Variants in DDX39B observed in about 807,000 individuals in gnomAD.
DDX39B encodes the protein spliceosome RNA helicase DDX39B.
Under a neutral mutation model 46.4 loss-of-function variants are expected in DDX39B, and 6 were observed. The ratio of observed to expected loss-of-function variants is 0.13; its 90% CI spans 0.07 to 0.26. DDX39B has a LOEUF of 0.26. Ranked by LOEUF, DDX39B falls within the 10% of genes least tolerant of loss-of-function variation. DDX39B has a pLI of 1.00. For synonymous variants in DDX39B, 174 were observed against 199.4 expected, an observed-to-expected ratio of 0.87 and a Z score of 1.07; for missense variants, 185 against 553.4, an observed-to-expected ratio of 0.33 and a Z score of 6.68.
At position 31,536,556 on chromosome 6, in the gene DDX39B, A is replaced by G. The variant is rs1767801774; in HGVS notation, c.560T>C (p.Leu187Pro). The G allele has an allele frequency of 6.2e-7, 1 of 1,613,112 alleles. No homozygotes were observed. The stretch of plus-strand genomic sequence containing the variant: ...CAAAATAAAGTGTTTAATGTGTTTG[A>G]GGTTGAGGCTCTTATTTCGAGCCAG... The part of the protein sequence containing the change: ...LALARNKSLN[L>P]KHIKHFILDE... The change falls in exon 5 of 11, where the codon CTC becomes CCC. Residue 187 changes from leucine to proline, a missense_variant. By Grantham distance (98) the Leu-to-Pro change is moderately conservative. This residue lies in a region of DDX39B where 110 missense variants were observed against 282.2 expected (regional missense o/e 0.39). Transcript: ENST00000396172.
Position 31,535,427 on chromosome 6 carries a change from C to A in DDX39B, c.675G>T (p.Met225Ile). The change falls in exon 6 of 11, where the codon ATG becomes ATT. Residue 225 changes from methionine to isoleucine, a missense_variant. Around this residue, in one of 5 missense-constraint regions of DDX39B, gnomAD observed 110 missense variants for 282.2 expected, o/e 0.39. Coordinates refer to ENST00000396172, the MANE Select transcript of DDX39B (RefSeq NM_004640.7). This position sits in a 1 kb window ranked among gnomAD's most constrained non-coding sequence, Gnocchi z 4.6. ...CTTTGCTCAAGGTAGCACTGAACAT[C>A]ATGACCTGCTTCTCGTGGGGGGTCA... ...FRMTPHEKQV[M>I]MFSATLSKEI... 1 of 1,613,458 alleles carries A rather than the reference C, an allele frequency of 6.2e-7. No homozygotes were observed. The highest frequency in any genetic ancestry group is 8.5e-7 in the Non-Finnish European group (1 of 1,180,016).
chr6:31,530,407 G>T lies in DDX39B; in HGVS notation c.*27C>A, dbSNP rs372496406. ...TGGTGTCCTCTCCTGAAGGACAGAC[G>T]GTCACATTCCAAAATGGGCGAGTCT... On this transcript the variant is annotated 3_prime_UTR_variant, in exon 11 of 11. Transcript: ENST00000396172. This position sits in a 1 kb window ranked among gnomAD's most constrained non-coding sequence, Gnocchi z 4.5. The T allele has an allele frequency of 6.2e-7, 1 of 1,612,478 alleles. No individual in the cohort carries two copies. Among genetic ancestry groups the T allele is most frequent in the Non-Finnish European group, 8.5e-7 (1 of 1,179,828 alleles).
At chr6:31,539,342 T>C (rs568633747) in intron 2 of DDX39B, 68 bp from the exon 3 acceptor site, 5 of 1,571,198 alleles carry the variant, frequency 3.2e-6, no homozygotes, top group Admixed American at 3.5e-5. Context: ...TTTTTCACCA[T>C]GCCAAGCCCA....
chr6:31,535,331 G>A lies in DDX39B; in HGVS notation c.735+36C>T, dbSNP rs371190882. The stretch of plus-strand genomic sequence containing the variant: ...CGAGGAAGGGGAGGAGGCAGCGGGC[G>A]GGGAGTGGAGGGAGAGAAGGTAGAA... On this transcript the variant is annotated intron_variant, in intron 6 of 10. Coordinates refer to ENST00000396172, the MANE Select transcript of DDX39B (RefSeq NM_004640.7). The surrounding 1 kb of genome is among the most constrained non-coding windows in gnomAD (Gnocchi z 4.6). 3.1e-5 allele frequency: 49 copies of A among 1,586,640 alleles called. No homozygotes were observed. Among genetic ancestry groups the A allele is most frequent in the Non-Finnish European group, 3.6e-5 (42 of 1,155,892 alleles).
intron 6 of DDX39B, chr6:31,533,812 T>G (rs1173596530): frequency 6.6e-6 from 1 of 151,986 alleles, no homozygotes; most frequent in Non-Finnish European, 1.5e-5. Context: ...GCATTCATCT[T>G]TAAAATTAAA....
At position 31,534,456 on chromosome 6, in the gene DDX39B, C is replaced by T. The variant is rs1468883636; in HGVS notation, c.735+911G>A. The T allele has an allele frequency of 1.1e-5, 5 of 471,062 alleles. No homozygotes were observed. The highest frequency in any genetic ancestry group is 7.7e-5 in the South Asian group (5 of 64,566). The allele number at this position is 471,062 out of a possible 1,614,324, so 29.2% of individuals were successfully genotyped here. On this transcript the variant is annotated intron_variant, in intron 6 of 10. Transcript: ENST00000396172. The surrounding 1 kb of genome is among the most constrained non-coding windows in gnomAD (Gnocchi z 5.1). ...AATTGGCCCCACCTAGCCCCAAACC[C>T]TAACAACCACCCGATTACATCCACT...
In DDX39B at chr6:31,530,844, T is replaced by A; in HGVS notation, c.1205A>T (p.Asp402Val). 6.2e-7 allele frequency: 1 copy of A among 1,613,932 alleles called. No individual in the cohort carries two copies. The highest frequency in any genetic ancestry group is 8.5e-7 in the Non-Finnish European group (1 of 1,180,022). ...SDENDAKILN[D>V]VQDRFEVNIS... The stretch of plus-strand genomic sequence containing the variant: ...ATTGACCTCAAAGCGATCCTGCACA[T>A]CATTGAGGATCTTGGCATCATTCTC... The change falls in exon 10 of 11, where the codon GAT (aspartate) becomes GTT (valine). Residue 402 changes from aspartate (D) to valine (V), a missense_variant. Transcript: ENST00000396172. The surrounding 1 kb of genome is among the most constrained non-coding windows in gnomAD (Gnocchi z 4.5).
rs915440875 is a variant in DDX39B at position 31,534,813 on chromosome 6, G to A, written c.735+554C>T. The A allele has an allele frequency of 6.7e-6, 2 of 298,340 alleles. No individual in the cohort carries two copies. The highest frequency in any genetic ancestry group is 4.4e-5 in the African/African-American group (2 of 45,848). The allele number at this position is 298,340 out of a possible 1,614,324, so 18.5% of individuals were successfully genotyped here. A position where few individuals can be genotyped will look rare whatever the true frequency, so the allele number is the denominator to read the frequency against. Reference sequence around the variant, plus strand: ...GGGTGCAAGGAGATGTGGGTGGGAAGGAGTAGGGTATCGGGGATTGAGGTG... The same window carrying A: ...GGGTGCAAGGAGATGTGGGTGGGAAAGAGTAGGGTATCGGGGATTGAGGTG... On this transcript the variant is annotated intron_variant, in intron 6 of 10. Coordinates refer to ENST00000396172, the MANE Select transcript of DDX39B (RefSeq NM_004640.7). The surrounding 1 kb of genome is among the most constrained non-coding windows in gnomAD (Gnocchi z 5.1).
Position 31,530,511 on chromosome 6 carries a change from C to G in DDX39B, c.1271-61G>C, listed in dbSNP as rs1767039101. 1.2e-6 allele frequency: 2 copies of G among 1,606,428 alleles called. No homozygotes were observed. The highest frequency in any genetic ancestry group is 2.2e-5 in the South Asian group (2 of 90,748). On this transcript the variant is annotated intron_variant, in intron 10 of 10. Transcript: ENST00000396172. The surrounding 1 kb of genome is among the most constrained non-coding windows in gnomAD (Gnocchi z 4.5). ...TGAAAAGGGGAAAGTGAGGCAGGAACACACGGCACACATGCAGACACTGGT... is the reference window on the plus strand; with the variant it reads ...TGAAAAGGGGAAAGTGAGGCAGGAAGACACGGCACACATGCAGACACTGGT...
rs931986231 is a variant in DDX39B, at chr6:31,541,808, G to A, written c.-133+142C>T. On this transcript the variant is annotated intron_variant, in intron 1 of 10. Transcript: ENST00000396172. ...CCAGGAGCTCTTTGCTCTCGAAAGG[G>A]ATGCAAGCTAAGGAAATAGCGAACC... The A allele has an allele frequency of 6.0e-6, 4 of 663,254 alleles. No individual in the cohort carries two copies. The Admixed American group carries it at 9.5e-5, about 16-fold the overall frequency. The allele number at this position is 663,254 out of a possible 1,614,324, so 41.1% of individuals were successfully genotyped here. A position where few individuals can be genotyped will look rare whatever the true frequency, so the allele number is the denominator to read the frequency against.
chr6:31,541,262 A>G, intron 1 of DDX39B: 1 of 528,110 alleles, frequency 1.9e-6, no homozygotes, highest in East Asian at 5.5e-5. Flanking sequence ...TGTAATTAGC[A>G]TGGGGGGGAG....
Position 31,530,528 on chromosome 6 carries a change from G to A in DDX39B, c.1271-78C>T. The A allele has an allele frequency of 6.3e-7, 1 of 1,592,970 alleles. No individual in the cohort carries two copies. The highest frequency in any genetic ancestry group is 8.6e-7 in the Non-Finnish European group (1 of 1,162,792). On this transcript the variant is annotated intron_variant, in intron 10 of 10. Coordinates refer to ENST00000396172, the MANE Select transcript of DDX39B (RefSeq NM_004640.7). The surrounding 1 kb of genome is among the most constrained non-coding windows in gnomAD (Gnocchi z 4.5). ...GGCAGGAACACACGGCACACATGCA[G>A]ACACTGGTGTACTGCCTGGGTTCAG...
chr6:31,540,202 C>G, intron 2 of DDX39B, 120 bp downstream of exon 2: 1 of 1,136,280 alleles, frequency 8.8e-7, no homozygotes, highest in Non-Finnish European at 1.3e-6. Flanking sequence ...AGCCACTGCA[C>G]CTGGCCCTGA....
Position 31,540,652 on chromosome 6 carries a change from T to A in DDX39B, c.-120A>T. On this transcript the variant is annotated 5_prime_UTR_variant, in exon 2 of 11. Coordinates refer to ENST00000396172, the MANE Select transcript of DDX39B (RefSeq NM_004640.7). ...AGCAAAGGAAAACAAAGATACTATT[T>A]CTAACAGAAGAGCTGGAGGGGGGAA... 2 of 915,086 alleles carry A rather than the reference T, an allele frequency of 2.2e-6. No homozygotes were observed. Among genetic ancestry groups the A allele is most frequent in the Non-Finnish European group, 3.3e-6 (2 of 611,392 alleles). 56.7% of individuals were successfully genotyped at this position (915,086 alleles called of 1,614,324 possible).
Position 31,531,232 on chromosome 6 carries a change from T to C in DDX39B, c.978-35A>G, listed in dbSNP as rs1240532732. The C allele has an allele frequency of 6.2e-7, 1 of 1,613,944 alleles. No individual in the cohort carries two copies. Among genetic ancestry groups the C allele is most frequent in the Non-Finnish European group, 8.5e-7 (1 of 1,179,868 alleles). ...AAAGGAAATTTAAAACATGTTGAGA[T>C]TCCCTTCTCTCAACTGTCTTTTTCT... On this transcript the variant is annotated intron_variant, in intron 8 of 10. Transcript: ENST00000396172. This position sits in a 1 kb window ranked among gnomAD's most constrained non-coding sequence, Gnocchi z 5.8.
Position 31,530,548 on chromosome 6 carries a change from G to A in DDX39B, c.1271-98C>T, listed in dbSNP as rs1767042198. ...ATGCAGACACTGGTGTACTGCCTGG[G>A]TTCAGAGGACGGACGTGGGGGTGAG... On this transcript the variant is annotated intron_variant, in intron 10 of 10. Transcript: ENST00000396172. The surrounding 1 kb of genome is among the most constrained non-coding windows in gnomAD (Gnocchi z 4.5). 1 of 1,550,120 alleles carries A rather than the reference G, an allele frequency of 6.5e-7. No individual in the cohort carries two copies. The highest frequency in any genetic ancestry group is 1.1e-5 in the South Asian group (1 of 88,692).
chr6:31,541,609 G>C (rs1412549712), intron 1 of DDX39B: 1 of 475,606 alleles, frequency 2.1e-6, no homozygotes, highest in Admixed American at 2.3e-5. Flanking sequence ...AGGAAGGTGA[G>C]AAGAGCCCCG....
At position 31,530,879 on chromosome 6, in the gene DDX39B, A is replaced by C; in HGVS notation, c.1170T>G (p.Phe390Leu). The C allele has an allele frequency of 6.2e-7, 1 of 1,614,174 alleles. No individual in the cohort carries two copies. Among genetic ancestry groups the C allele is most frequent in the African/African-American group, 1.3e-5 (1 of 75,046 alleles). Residue 390 changes from phenylalanine to leucine, a missense_variant, in exon 10 of 11, where the codon TTT becomes TTG. Coordinates refer to ENST00000396172, the MANE Select transcript of DDX39B (RefSeq NM_004640.7). This position sits in a 1 kb window ranked among gnomAD's most constrained non-coding sequence, Gnocchi z 4.5. ...RFGTKGLAIT[F>L]VSDENDAKIL... ...TCTTGGCATCATTCTCATCGGACAC[A>C]AATGTGATAGCCAAGCCCTTGGTGC...
At position 31,534,676 on chromosome 6, in the gene DDX39B, A is replaced by T; in HGVS notation, c.735+691T>A. ...TGGTTTGGTCCTCAGCTTCCTGGTC[A>T]GGTTTCCCCGCGGCCTCCGCTGCCG... On this transcript the variant is annotated intron_variant, in intron 6 of 10. Coordinates refer to ENST00000396172, the MANE Select transcript of DDX39B (RefSeq NM_004640.7). This position sits in a 1 kb window ranked among gnomAD's most constrained non-coding sequence, Gnocchi z 5.1. The T allele has an allele frequency of 2.8e-6, 1 of 358,918 alleles. No homozygotes were observed. Among genetic ancestry groups the T allele is most frequent in the South Asian group, 2.2e-5 (1 of 46,132 alleles). The allele number at this position is 358,918 out of a possible 1,614,324, so 22.2% of individuals were successfully genotyped here. A position where few individuals can be genotyped will look rare whatever the true frequency, so the allele number is the denominator to read the frequency against.
Sources: gnomAD v4.1 joint callset for allele counts on GRCh38, gnomAD v4.1.1 for gene constraint, gnomAD v4.1.1 regional missense constraint, Gnocchi (gnomAD v3.1) non-coding constraint, MANE v1.5 for transcripts, NCBI Gene and HGNC (gene_info 2026-07-23, HGNC 2026-07-21) for gene names.